The following SHC3 variants were observed in gnomAD, a reference collection of about 807,000 sequenced individuals.
SHC3 encodes the protein SHC-transforming protein 3.
A neutral mutation model predicts 60.4 loss-of-function variants in SHC3; 15 were observed. That is an observed-to-expected ratio of 0.25 (90% CI 0.17 to 0.38). The LOEUF (loss-of-function observed/expected upper bound fraction) is 0.38, where lower values mean the gene tolerates loss of function less well. Among genes scored for constraint, SHC3 ranks in the 10% least tolerant of loss-of-function variants. The pLI is 1.00. For synonymous variants in SHC3, 294 were observed against 325.9 expected, an observed-to-expected ratio of 0.90 and a Z score of 1.05; for missense variants, 677 against 786.1, an observed-to-expected ratio of 0.86 and a Z score of 1.66.
chr9:89,037,388 T>C (rs1824599506), intron 11 of SHC3: 1 of 630,066 alleles, frequency 1.6e-6, no homozygotes, highest in East Asian at 2.8e-5. Context: ...TTTATTAAAC[T>C]TAGCAATTCT....
At chr9:89,084,380 A>G (rs781074916) in intron 2 of SHC3, among the ~76,000 whole-genome samples, 1 of 152,230 alleles carries the variant, frequency 6.6e-6, no homozygotes, top group Non-Finnish European at 1.5e-5. Context: ...TAAAAGCCCA[A>G]ATAATGAAAC....
chr9:89,071,440 C>G (rs1825269438), intron 4 of SHC3, among the ~76,000 whole-genome samples, 188 bp from the exon 5 acceptor site: 1 of 152,228 alleles, frequency 6.6e-6, no homozygotes, highest in Admixed American at 6.5e-5. Context: ...TGCTGTCCAG[C>G]TGCTTTGCCA....
rs1826985277 is a variant in SHC3 at position 89,178,639 on chromosome 9, C to T, written c.-179G>A. On this transcript the variant is annotated 5_prime_UTR_variant, in exon 1 of 12. Coordinates refer to ENST00000375835, the MANE Select transcript of SHC3 (RefSeq NM_016848.6). The surrounding 1 kb of genome is among the most constrained non-coding windows in gnomAD (Gnocchi z 6.9). The stretch of plus-strand genomic sequence containing the variant: ...GATGGTGCCCTCCCACCGTTAAAAG[C>T]CAGCACAGCGGCGGCCGCGCAGCCC... 6.0e-6 allele frequency: 3 copies of T among 498,104 alleles called. No individual in the cohort carries two copies. The South Asian group carries it at 1.5e-4, about 24-fold the overall frequency. 30.9% of individuals were successfully genotyped at this position (498,104 alleles called of 1,614,324 possible). A position where few individuals can be genotyped will look rare whatever the true frequency, so the allele number is the denominator to read the frequency against.
intron 6 of SHC3, among the ~76,000 whole-genome samples, chr9:89,054,947 GC>G (rs1824924339): frequency 6.6e-6 from 1 of 152,336 alleles, no homozygotes; most frequent in South Asian, 2.1e-4. Flanking sequence ...AGCCCAAGCT[GC>G]CCCGGAGCAG....
At chr9:89,054,172 G>T (rs372861695) in intron 6 of SHC3, among the ~76,000 whole-genome samples, 7 of 152,270 alleles carry the variant, frequency 4.6e-5, no homozygotes, top group African/African-American at 1.7e-4. Context: ...GCCTGGGAAG[G>T]GGCCTCTGTG....
At position 89,010,721 on chromosome 9, in the gene SHC3, C is replaced by T. The variant is rs1436093026; in HGVS notation, c.*2726G>A. On this transcript the variant is annotated 3_prime_UTR_variant, in exon 12 of 12. Transcript: ENST00000375835. ...TCCCGCTGCGTTCATTGTTCAGCTTCCCTGCCCTGCCCAGGCAGAGATGTG... is the reference window on the plus strand; with the variant it reads ...TCCCGCTGCGTTCATTGTTCAGCTTTCCTGCCCTGCCCAGGCAGAGATGTG... 5.2e-5 allele frequency: 8 copies of T among 152,574 alleles called. No homozygotes were observed. Among genetic ancestry groups the T allele is most frequent in the African/African-American group, 1.9e-4 (8 of 41,598 alleles). 9.5% of individuals were successfully genotyped at this position (152,574 alleles called of 1,614,324 possible).
intron 2 of SHC3, among the ~76,000 whole-genome samples, chr9:89,107,028 G>A (rs770318575): frequency 1.3e-5 from 2 of 152,084 alleles, no homozygotes; most frequent in East Asian, 1.9e-4. Flanking sequence ...ATGGTCCTTC[G>A]CTGAGCCTCA....
At chr9:89,052,006 C>T (rs778706405) in intron 7 of SHC3, 31 bp downstream of exon 7, 1 of 1,610,580 alleles carries the variant, frequency 6.2e-7, no homozygotes, top group Non-Finnish European at 8.5e-7. Flanking sequence ...CCCACATAGG[C>T]TATTGCAAAT....
At chr9:89,066,344 T>C (rs541844995) in intron 5 of SHC3, among the ~76,000 whole-genome samples, 17 of 152,300 alleles carry the variant, frequency 1.1e-4, no homozygotes, top group African/African-American at 3.8e-4. Flanking sequence ...GTGGATGAGA[T>C]ATAATGGTTA....
chr9:89,122,063 T>C (rs1826100112), intron 1 of SHC3, among the ~76,000 whole-genome samples: 1 of 152,224 alleles, frequency 6.6e-6, no homozygotes, highest in Admixed American at 6.5e-5. Flanking sequence ...TCTTCCACAA[T>C]TCTATATACC....
At chr9:89,157,090 A>G (rs1156350047) in intron 1 of SHC3, among the ~76,000 whole-genome samples, 1 of 152,162 alleles carries the variant, frequency 6.6e-6, no homozygotes, top group African/African-American at 2.4e-5. Flanking sequence ...GGCACCCTAC[A>G]AGTAAGGGTT....
chr9:89,117,103 A>G (rs1055585554), intron 1 of SHC3, among the ~76,000 whole-genome samples: 1 of 152,210 alleles, frequency 6.6e-6, no homozygotes, highest in African/African-American at 2.4e-5. Flanking sequence ...TCACAGAATT[A>G]TGTAAATACC....
chr9:89,031,665 C>A (rs1270502313), intron 11 of SHC3, among the ~76,000 whole-genome samples: 2 of 152,102 alleles, frequency 1.3e-5, no homozygotes, highest in Non-Finnish European at 2.9e-5. Flanking sequence ...TTGTTTCTAC[C>A]TTTTGGCTAT....
At chr9:89,046,637 C>T (rs1824779626) in intron 8 of SHC3, among the ~76,000 whole-genome samples, 2 of 152,196 alleles carry the variant, frequency 1.3e-5, no homozygotes, top group South Asian at 2.1e-4. Flanking sequence ...CCACACAGTT[C>T]CAAAGCATTT....
intron 1 of SHC3, among the ~76,000 whole-genome samples, chr9:89,166,383 C>T (rs1404865414): frequency 1.3e-5 from 2 of 152,116 alleles, no homozygotes; most frequent in African/African-American, 4.8e-5. Context: ...TTGAATAAAA[C>T]AATTGATTTA....
intron 1 of SHC3, among the ~76,000 whole-genome samples, chr9:89,174,837 AC>A (rs1458914774): frequency 6.6e-6 from 1 of 152,004 alleles, no homozygotes; most frequent in Admixed American, 6.6e-5. Context: ...TAAAAACTGA[AC>A]CCCTGCCTCC....
At chr9:89,059,093 G>C (rs1339418972) in intron 6 of SHC3, among the ~76,000 whole-genome samples, 1 of 141,012 alleles carries the variant, frequency 7.1e-6, no homozygotes, top group Non-Finnish European at 1.5e-5. Flanking sequence ...GATGGAGGAT[G>C]GTGGTGGAGG....
chr9:89,175,549 C>A (rs1194476090), intron 1 of SHC3, among the ~76,000 whole-genome samples: 1 of 152,188 alleles, frequency 6.6e-6, no homozygotes, highest in African/African-American at 2.4e-5. Context: ...GTGCAATATC[C>A]TAATATCACC....
chr9:89,159,354 T>G (rs1174958995), intron 1 of SHC3, among the ~76,000 whole-genome samples: 2 of 152,070 alleles, frequency 1.3e-5, no homozygotes, highest in African/African-American at 4.8e-5. Flanking sequence ...ATGTAAACAA[T>G]AAGAGAATCT....
Sources: gnomAD v4.1 joint callset for allele counts (sites outside exome capture counted in the v4.1 genomes callset) on GRCh38, gnomAD v4.1.1 for gene constraint, Gnocchi (gnomAD v3.1) non-coding constraint, MANE v1.5 for transcripts, NCBI Gene and HGNC (gene_info 2026-07-23, HGNC 2026-07-21) for gene names.